The following NDST3 variants were observed in gnomAD, a reference collection of about 807,000 sequenced individuals.
NDST3 encodes the protein bifunctional heparan sulfate N-deacetylase/N-sulfotransferase 3.
Under a neutral mutation model 96.1 loss-of-function variants are expected in NDST3, and 58 were observed. The ratio of observed to expected loss-of-function variants is 0.60; its 90% CI spans 0.49 to 0.75. The LOEUF (loss-of-function observed/expected upper bound fraction) is 0.75. Among genes scored for constraint, NDST3 ranks in the 30% least tolerant of loss-of-function variants. The probability of loss-of-function intolerance (pLI) is 0.00; values close to 1 mark genes in which losing one functional copy is unlikely to be tolerated. For missense variants in NDST3, 788 were observed against 1,034.2 expected, an observed-to-expected ratio of 0.76 and a Z score of 3.27; for synonymous variants, 333 against 359.7, an observed-to-expected ratio of 0.93 and a Z score of 0.84.
intron 6 of NDST3, among the ~76,000 whole-genome samples, chr4:118,175,697 C>A (rs972448807): frequency 6.6e-6 from 1 of 152,124 alleles, no homozygotes; most frequent in African/African-American, 2.4e-5. Context: ...CTTATAAAAA[C>A]CTCAATTGTG....
chr4:118,238,552 C>G (rs1178974061), intron 10 of NDST3, among the ~76,000 whole-genome samples: 3 of 151,996 alleles, frequency 2.0e-5, no homozygotes, highest in Admixed American at 1.3e-4. Flanking sequence ...TCTCTAGGAC[C>G]CTTAGTTCTC....
chr4:118,049,556 C>T (rs547363346), intron 1 of NDST3, among the ~76,000 whole-genome samples: 1 of 151,432 alleles, frequency 6.6e-6, no homozygotes, highest in East Asian at 1.9e-4. Context: ...ACAACTAATC[C>T]CACAGAAATA....
chr4:118,138,495 A>T (rs1044644105), intron 5 of NDST3, among the ~76,000 whole-genome samples: 1 of 152,228 alleles, frequency 6.6e-6, no homozygotes, highest in Non-Finnish European at 1.5e-5. Flanking sequence ...ATACTAAAAA[A>T]AAATTACATT....
At chr4:118,117,329 T>A (rs1003226341) in intron 4 of NDST3, among the ~76,000 whole-genome samples, 1 of 152,038 alleles carries the variant, frequency 6.6e-6, no homozygotes, top group Non-Finnish European at 1.5e-5. Context: ...TATCATTATA[T>A]CTAGTATCAC....
intron 3 of NDST3, among the ~76,000 whole-genome samples, chr4:118,105,753 A>G (rs2125851705): frequency 6.6e-6 from 1 of 152,336 alleles, no homozygotes; most frequent in African/African-American, 2.4e-5. Context: ...CTGAATAGAA[A>G]TGTTCATAAC....
intron 1 of NDST3, among the ~76,000 whole-genome samples, 194 bp downstream of exon 1, chr4:118,034,786 G>T (rs911505021): frequency 2.6e-5 from 4 of 152,174 alleles, no homozygotes; most frequent in Non-Finnish European, 5.9e-5. Context: ...CTCATTCAGG[G>T]ATGATTTTAA....
chr4:118,157,433 T>G (rs1338238966), intron 6 of NDST3, among the ~76,000 whole-genome samples: 9 of 150,450 alleles, frequency 6.0e-5, no homozygotes, highest in African/African-American at 1.7e-4. Flanking sequence ...TTTTTGTTTT[T>G]TTTTTTTTTT....
At chr4:118,192,188 C>G (rs1737350155) in intron 6 of NDST3, among the ~76,000 whole-genome samples, 1 of 152,048 alleles carries the variant, frequency 6.6e-6, no homozygotes, top group Admixed American at 6.5e-5. Flanking sequence ...CTTATTAATC[C>G]CTTGTCAGAT....
rs186847321 is a variant in NDST3 at position 118,080,278 on chromosome 4, G to T, written c.982-24740G>T. ...GCCTTTTAGATGTCCAAGTAGAGAT[G>T]TGCAGGCAATAGGGTATTCGAGTCT... On this transcript the variant is annotated intron_variant, in intron 2 of 13. Transcript: ENST00000296499. Among the ~76,000 whole-genome samples, 24 of 152,110 alleles carry T rather than the reference G, an allele frequency of 1.6e-4. No individual in the cohort carries two copies. The East Asian group carries it at 4.7e-3, about 30-fold the overall frequency.
chr4:118,232,054 C>T (rs1255644497), intron 8 of NDST3, among the ~76,000 whole-genome samples: 1 of 151,010 alleles, frequency 6.6e-6, no homozygotes, highest in African/African-American at 2.4e-5. Flanking sequence ...ATTTTTTTTT[C>T]CAATTTAGCA....
At chr4:118,126,689 T>C (rs1377290598) in intron 4 of NDST3, among the ~76,000 whole-genome samples, 1 of 151,990 alleles carries the variant, frequency 6.6e-6, no homozygotes, top group African/African-American at 2.4e-5. Flanking sequence ...ACTGATTTCC[T>C]TTCTTTTGGG....
intron 6 of NDST3, among the ~76,000 whole-genome samples, chr4:118,188,934 C>A (rs1737134025): frequency 6.6e-6 from 1 of 152,062 alleles, no homozygotes; most frequent in Non-Finnish European, 1.5e-5. Context: ...TTGGTTATTT[C>A]TTTGACCTAT....
chr4:118,132,365 G>A (rs1048262863), intron 4 of NDST3, among the ~76,000 whole-genome samples: 1 of 152,098 alleles, frequency 6.6e-6, no homozygotes, highest in Admixed American at 6.5e-5. Flanking sequence ...CCCTTGGCAG[G>A]GTTCTGTCAG....
intron 11 of NDST3, among the ~76,000 whole-genome samples, chr4:118,241,499 A>G (rs1032418058): frequency 4.2e-5 from 2 of 47,820 alleles, no homozygotes; most frequent in Non-Finnish European, 8.4e-5. Context: ...CCTTGGCATA[A>G]CAAGCAACTT....
chr4:118,096,505 A>G (rs148043221), intron 2 of NDST3, among the ~76,000 whole-genome samples: 254 of 152,020 alleles, frequency 1.7e-3, no homozygotes, highest in African/African-American at 5.9e-3. Flanking sequence ...ATAAAAATAT[A>G]AAGCTAAACT....
At chr4:118,157,330 C>CA (rs1328989397) in intron 6 of NDST3, among the ~76,000 whole-genome samples, 1 of 149,590 alleles carries the variant, frequency 6.7e-6, no homozygotes, top group Non-Finnish European at 1.5e-5. Context: ...AAGAAAACTA[C>CA]ATTTAAAATG....
At chr4:118,135,245 A>C (rs1243130003) in intron 4 of NDST3, among the ~76,000 whole-genome samples, 2 of 152,338 alleles carry the variant, frequency 1.3e-5, no homozygotes, top group South Asian at 4.1e-4. Flanking sequence ...TGGAGGAATC[A>C]GAAGAGAAGC....
intron 6 of NDST3, among the ~76,000 whole-genome samples, chr4:118,170,053 T>C (rs949717326): frequency 6.6e-6 from 1 of 152,170 alleles, no homozygotes; most frequent in Non-Finnish European, 1.5e-5. Context: ...GAAGCAGAAT[T>C]GCCTTGGATT....
intron 4 of NDST3, among the ~76,000 whole-genome samples, chr4:118,120,653 A>T (rs1405098310): frequency 6.6e-6 from 1 of 152,122 alleles, no homozygotes; most frequent in Non-Finnish European, 1.5e-5. Flanking sequence ...ATCTCTCCAG[A>T]GTCAGCAAGG....
Sources: allele counts gnomAD v4.1 joint callset (sites outside exome capture counted in the v4.1 genomes callset), GRCh38; gene constraint gnomAD v4.1.1; transcripts MANE v1.5; gene names NCBI Gene and HGNC (gene_info 2026-07-23, HGNC 2026-07-21).